KAZN: variants seen among roughly 807,000 people sequenced by gnomAD.
KAZN encodes kazrin.
A neutral mutation model predicts 87.4 loss-of-function variants in KAZN; 40 were observed. That is an observed-to-expected ratio of 0.46 (90% confidence interval 0.36 to 0.60). The LOEUF (loss-of-function observed/expected upper bound fraction) is 0.60. Ranked by LOEUF, KAZN falls within the 20% of genes least tolerant of loss-of-function variation. The pLI, the probability that KAZN is intolerant of heterozygous loss-of-function variation, is 0.00. For missense variants in KAZN, 898 were observed against 1,073.9 expected (o/e 0.84, Z 2.29); for synonymous variants, 466 against 458.3 (o/e 1.02, Z -0.22).
chr1:14,697,434 C>CGTAA (rs1359851268), intron 1 of KAZN, among the ~76,000 whole-genome samples: 1 of 152,210 alleles, frequency 6.6e-6, no homozygotes, highest in Non-Finnish European at 1.5e-5. Context: ...ACCTCCTGTC[C>CGTAA]GTAAGCATGC....
chr1:14,340,181 T>C (rs1657581439), intron 2 of KAZN, among the ~76,000 whole-genome samples: 1 of 152,284 alleles, frequency 6.6e-6, no homozygotes, highest in Non-Finnish European at 1.5e-5. Flanking sequence ...CTTGCATCAT[T>C]AAATTGCTGG....
intron 1 of KAZN, among the ~76,000 whole-genome samples, chr1:14,852,040 T>C (rs984483787): frequency 2.0e-5 from 3 of 152,182 alleles, no homozygotes; most frequent in African/African-American, 7.2e-5. Context: ...CCTAGATCTG[T>C]GGTTCTAGGC....
chr1:15,001,465 CAA>C (rs35048403), intron 2 of KAZN, among the ~76,000 whole-genome samples: 78 of 125,032 alleles, frequency 6.2e-4, no homozygotes, highest in Middle Eastern at 3.8e-3. Flanking sequence ...AAATCTGTCT[CAA>C]AAAAAAAAAA....
chr1:14,259,744 A>G (rs1557599978), intron 2 of KAZN, among the ~76,000 whole-genome samples: 1 of 152,214 alleles, frequency 6.6e-6, no homozygotes, highest in African/African-American at 2.4e-5. Context: ...AGGGCTAGAC[A>G]CACAGCAGCT....
chr1:14,223,354 T>C (rs1273563046), intron 2 of KAZN, among the ~76,000 whole-genome samples: 1 of 152,226 alleles, frequency 6.6e-6, no homozygotes, highest in Non-Finnish European at 1.5e-5. Flanking sequence ...TGGCACAGGC[T>C]GTGATCCCAG....
intron 2 of KAZN, among the ~76,000 whole-genome samples, chr1:14,252,136 A>G (rs1650100824): frequency 6.6e-6 from 1 of 152,170 alleles, no homozygotes; most frequent in South Asian, 2.1e-4. Context: ...CTGTGCCTCC[A>G]CTGTAGAATG....
At chr1:14,463,211 T>C (rs946626809) in intron 2 of KAZN, among the ~76,000 whole-genome samples, 2 of 152,192 alleles carry the variant, frequency 1.3e-5, no homozygotes, top group Non-Finnish European at 2.9e-5. Flanking sequence ...TCAGGGTTGT[T>C]GCCATGGCAT....
intron 2 of KAZN, among the ~76,000 whole-genome samples, chr1:14,354,685 C>CACACACACAA (rs1427516822): frequency 1.9e-3 from 276 of 145,318 alleles, no homozygotes; most frequent in African/African-American, 6.9e-3. Context: ...CACACACACA[C>CACACACACAA]ACAAACAAAC....
intron 1 of KAZN, among the ~76,000 whole-genome samples, chr1:14,149,534 C>G (rs1381165762): frequency 6.6e-6 from 1 of 152,124 alleles, no homozygotes; most frequent in East Asian, 1.9e-4. Flanking sequence ...TCAGTTCCTC[C>G]CATCTCGTTT....
intron 1 of KAZN, among the ~76,000 whole-genome samples, chr1:14,615,737 C>A (rs543712089): frequency 6.6e-6 from 1 of 152,144 alleles, no homozygotes; most frequent in Non-Finnish European, 1.5e-5. Context: ...CCACCAGCCT[C>A]CGCAACTTGC....
chr1:14,605,678 TGAGGAGGAG>T (rs1200414746), intron 1 of KAZN, among the ~76,000 whole-genome samples: 1 of 152,092 alleles, frequency 6.6e-6, no homozygotes, highest in Non-Finnish European at 1.5e-5. Context: ...ATCTTCATGT[TGAGGAGGAG>T]GAGGAAGAGG....
chr1:14,926,386 G>C (rs1181922705), intron 1 of KAZN, among the ~76,000 whole-genome samples: 1 of 152,180 alleles, frequency 6.6e-6, no homozygotes, highest in East Asian at 1.9e-4. Flanking sequence ...GCCCAGGAAT[G>C]CCTGTTTCCT....
chr1:14,450,123 C>CA (rs1407127014), intron 2 of KAZN, among the ~76,000 whole-genome samples: 2 of 150,334 alleles, frequency 1.3e-5, no homozygotes, highest in African/African-American at 2.4e-5. Context: ...GAGTGCTGCC[C>CA]CCCCGCCTGC....
At chr1:14,910,004 GAC>G (rs1239296819) in intron 1 of KAZN, among the ~76,000 whole-genome samples, 1 of 152,134 alleles carries the variant, frequency 6.6e-6, no homozygotes, top group Non-Finnish European at 1.5e-5. Flanking sequence ...AGTGAGCCGA[GAC>G]ACTGTTGCAC....
chr1:15,067,326 A>G, intron 8 of KAZN: 1 of 985,316 alleles, frequency 1.0e-6, no homozygotes, highest in Non-Finnish European at 1.2e-6. Context: ...GAGCCTACCC[A>G]CCCCAGGAGA....
intron 2 of KAZN, among the ~76,000 whole-genome samples, chr1:14,963,194 C>G (rs1169682941): frequency 6.6e-6 from 1 of 152,166 alleles, no homozygotes; most frequent in Non-Finnish European, 1.5e-5. Context: ...GAGATCCACC[C>G]CTTTGTAGGA....
At chr1:14,139,516 T>C (rs1486825484) in intron 1 of KAZN, among the ~76,000 whole-genome samples, 1 of 152,226 alleles carries the variant, frequency 6.6e-6, no homozygotes, top group African/African-American at 2.4e-5. Context: ...TTTTTGTTGT[T>C]GTTCTTCCTC....
chr1:14,323,480 A>G (rs1253398600), intron 2 of KAZN, among the ~76,000 whole-genome samples: 2 of 152,110 alleles, frequency 1.3e-5, no homozygotes, highest in African/African-American at 4.8e-5. Context: ...AAAGTCCAAG[A>G]TCTCTGGGTG....
chr1:14,759,589 G>A (rs1557460657), intron 1 of KAZN, among the ~76,000 whole-genome samples: 1 of 152,150 alleles, frequency 6.6e-6, no homozygotes, highest in Admixed American at 6.5e-5. Context: ...CTGCAAGAGA[G>A]TGTGGCCAGC....
Sources: gnomAD v4.1 joint callset for allele counts (sites outside exome capture counted in the v4.1 genomes callset) on GRCh38, gnomAD v4.1.1 for gene constraint, MANE v1.5 for transcripts, NCBI Gene and HGNC (gene_info 2026-07-23, HGNC 2026-07-21) for gene names.